PRKCE: variants seen among roughly 807,000 people sequenced by gnomAD.
The protein encoded by PRKCE is protein kinase C epsilon type.
PRKCE carries 16 observed loss-of-function variants against 85.4 expected under a neutral mutation model. That is an observed-to-expected ratio of 0.19 (90% CI 0.13 to 0.28). PRKCE has a LOEUF of 0.28. Ranked by LOEUF, PRKCE falls within the 10% of genes least tolerant of loss-of-function variation. The pLI is 1.00. For missense variants in PRKCE, 573 were observed against 975.2 expected, an observed-to-expected ratio of 0.59 and a Z score of 5.49; for synonymous variants, 388 against 371.5, an observed-to-expected ratio of 1.04 and a Z score of -0.51.
At chr2:45,936,524 G>A (rs1435226900) in intron 2 of PRKCE, among the ~76,000 whole-genome samples, 2 of 152,132 alleles carry the variant, frequency 1.3e-5, no homozygotes, top group East Asian at 3.9e-4. Context: ...CCGAGAGGAA[G>A]CCAGCGGGAG....
At chr2:46,176,087 T>TA (rs1421915503) in intron 14 of PRKCE, among the ~76,000 whole-genome samples, 1 of 152,102 alleles carries the variant, frequency 6.6e-6, no homozygotes, top group African/African-American at 2.4e-5. Flanking sequence ...ACCACTGTGT[T>TA]AAAAAATGGC....
Position 45,661,523 on chromosome 2 carries a change from G to GTTTT in PRKCE, c.348+9078_348+9081dup, listed in dbSNP as rs367628974. On this transcript the variant is annotated intron_variant, in intron 1 of 14. Coordinates refer to ENST00000306156, the MANE Select transcript of PRKCE (RefSeq NM_005400.3). ...TTTTTTTTGTTTTGTTTTGTTTTTT[G>GTTTT]TTTTTTGTTTTTTTTTTTTTTTTTA... 6.2e-3 allele frequency among the ~76,000 whole-genome samples: 598 copies of GTTTT among 96,544 alleles called. 41 individuals carry two copies. The highest frequency in any genetic ancestry group is 0.021 in the African/African-American group (530 of 25,742). The allele number at this position is 96,544 out of a possible 152,430, so 63.3% of individuals were successfully genotyped here. A position where few individuals can be genotyped will look rare whatever the true frequency, so the allele number is the denominator to read the frequency against.
chr2:46,060,400 G>A (rs555206254), intron 10 of PRKCE, among the ~76,000 whole-genome samples: 3 of 152,282 alleles, frequency 2.0e-5, no homozygotes, highest in South Asian at 2.1e-4. Context: ...CAATACCTTC[G>A]TGATGACACC....
intron 11 of PRKCE, among the ~76,000 whole-genome samples, chr2:46,110,861 C>T (rs892130907): frequency 4.6e-5 from 7 of 151,946 alleles, no homozygotes; most frequent in South Asian, 2.1e-4. Flanking sequence ...CTGCTTTCAC[C>T]GTATTCCACT....
At chr2:45,735,671 T>C (rs1184728876) in intron 1 of PRKCE, among the ~76,000 whole-genome samples, 1 of 152,172 alleles carries the variant, frequency 6.6e-6, no homozygotes, top group African/African-American at 2.4e-5. Context: ...GAAAGCAAAG[T>C]GTTGGAGGAA....
intron 1 of PRKCE, among the ~76,000 whole-genome samples, chr2:45,787,319 G>A (rs1686685254): frequency 1.3e-5 from 2 of 152,090 alleles, no homozygotes; most frequent in South Asian, 4.2e-4. Flanking sequence ...AGCCTAGTAG[G>A]ATAAAATGTG....
intron 14 of PRKCE, among the ~76,000 whole-genome samples, chr2:46,162,630 G>C (rs1677892928): frequency 6.6e-6 from 1 of 152,188 alleles, no homozygotes; most frequent in African/African-American, 2.4e-5. Flanking sequence ...AAAAAGGAAG[G>C]CTAAAACGGA....
chr2:46,124,099 C>T (rs889359986), intron 11 of PRKCE, among the ~76,000 whole-genome samples: 3 of 152,118 alleles, frequency 2.0e-5, no homozygotes, highest in East Asian at 1.9e-4. Context: ...CCAAGGTGGG[C>T]GGATCACTGG....
chr2:45,993,302 T>C (rs1703959575), intron 6 of PRKCE, among the ~76,000 whole-genome samples: 1 of 152,234 alleles, frequency 6.6e-6, no homozygotes, highest in Admixed American at 6.5e-5. Context: ...GCTCCCGTTA[T>C]GGCTGCCCAG....
intron 1 of PRKCE, among the ~76,000 whole-genome samples, chr2:45,832,552 C>T (rs1269813611): frequency 6.6e-6 from 1 of 152,076 alleles, no homozygotes; most frequent in Non-Finnish European, 1.5e-5. Context: ...ACCTCGTGAT[C>T]CGCCCACCTC....
chr2:45,942,161 A>T (rs147230883), intron 2 of PRKCE, among the ~76,000 whole-genome samples: 234 of 152,332 alleles, frequency 1.5e-3, no homozygotes, highest in Non-Finnish European at 2.9e-3. Flanking sequence ...TCTCATGTTG[A>T]TCTGAGGCAG....
chr2:45,872,181 G>A (rs971708686), intron 2 of PRKCE, among the ~76,000 whole-genome samples: 2 of 152,110 alleles, frequency 1.3e-5, no homozygotes, highest in Non-Finnish European at 2.9e-5. Context: ...TGGGGATGCT[G>A]GGATGTTAGG....
chr2:45,957,415 T>C (rs1055554688), intron 2 of PRKCE, among the ~76,000 whole-genome samples: 5 of 152,258 alleles, frequency 3.3e-5, no homozygotes, highest in African/African-American at 1.2e-4. Context: ...TGAAAATCAA[T>C]TGTATGCACA....
chr2:45,662,879 GCA>G (rs529211709), intron 1 of PRKCE, among the ~76,000 whole-genome samples: 2,395 of 152,152 alleles, frequency 0.016, 60 homozygotes, highest in African/African-American at 0.055. Flanking sequence ...AAGCAAGCAA[GCA>G]AGCAAGCAAG....
intron 2 of PRKCE, among the ~76,000 whole-genome samples, chr2:45,951,064 C>T (rs959266941): frequency 2.6e-5 from 4 of 152,134 alleles, no homozygotes; most frequent in East Asian, 3.9e-4. Flanking sequence ...GCTTAATGCT[C>T]GGTGCCCAAA....
At chr2:45,655,286 G>A (rs1336657981) in intron 1 of PRKCE, among the ~76,000 whole-genome samples, 1 of 152,070 alleles carries the variant, frequency 6.6e-6, no homozygotes, top group Non-Finnish European at 1.5e-5. Flanking sequence ...CATGTGGCCC[G>A]GGATGGCTTT....
rs869162406 is a variant in PRKCE, at chr2:46,061,859, C to CTTTTCTTTTCTTTTCTTTTTCT, written c.1438-24345_1438-24344insCTTTTCTTTTCTTTTTCTTTTT. Among the ~76,000 whole-genome samples, 19 of 107,748 alleles carry CTTTTCTTTTCTTTTCTTTTTCT rather than the reference C, an allele frequency of 1.8e-4. 1 individual carries two copies. The highest frequency in any genetic ancestry group is 1.4e-3 in the Admixed American group (15 of 10,376). The allele number at this position is 107,748 out of a possible 152,430, so 70.7% of individuals were successfully genotyped here. On this transcript the variant is annotated intron_variant, in intron 10 of 14. Coordinates refer to ENST00000306156, the MANE Select transcript of PRKCE (RefSeq NM_005400.3). ...TTTTCTTTTCTTTTCTTTTCTTTTT[C>CTTTTCTTTTCTTTTCTTTTTCT]TTTTTTTTTTTTTTTTTTGCAACAG...
At chr2:46,036,133 G>A (rs978956359) in intron 10 of PRKCE, among the ~76,000 whole-genome samples, 17 of 152,280 alleles carry the variant, frequency 1.1e-4, no homozygotes, top group Admixed American at 5.9e-4. Flanking sequence ...CGAGTGGCCC[G>A]TGCAAAAGTC....
chr2:45,972,364 A>T (rs746754498), intron 2 of PRKCE, among the ~76,000 whole-genome samples: 8 of 152,208 alleles, frequency 5.3e-5, no homozygotes, highest in Non-Finnish European at 8.8e-5. Context: ...TTTGGATATT[A>T]ACCCTTTCTC....
Sources: allele counts gnomAD v4.1 joint callset (sites outside exome capture counted in the v4.1 genomes callset), GRCh38; gene constraint gnomAD v4.1.1; transcripts MANE v1.5; gene names NCBI Gene and HGNC (gene_info 2026-07-23, HGNC 2026-07-21).